METTL6: variants seen among roughly 807,000 people sequenced by gnomAD.
METTL6 encodes the protein methyltransferase 6, tRNA N3-cytidine, also known as tRNA N(3)-cytidine methyltransferase METTL6.
In METTL6, 22 loss-of-function variants were observed where a neutral mutation model predicts 26.4. That is an observed-to-expected ratio of 0.83 (90% CI 0.59 to 1.19). The LOEUF is 1.19. Among genes scored for constraint, METTL6 ranks in the 50% most tolerant of loss-of-function variants. METTL6 has a pLI of 0.00. For synonymous variants in METTL6, 109 were observed against 116.2 expected (o/e 0.94, Z 0.40); for missense variants, 304 against 324.8 (o/e 0.94, Z 0.49).
At position 15,426,748 on chromosome 3, in the gene METTL6, A is replaced by G. The variant is rs973958133; in HGVS notation, c.-124-113T>C. On this transcript the variant is annotated intron_variant, in intron 1 of 5. Coordinates refer to ENST00000383790, the MANE Select transcript of METTL6 (RefSeq NM_152396.4). Reference sequence around the variant, plus strand: ...TGTACAAAAAAAAATCCTTCCCGCTATATGAGAGGTCACAAAGAAGACAAA... The same window carrying G: ...TGTACAAAAAAAAATCCTTCCCGCTGTATGAGAGGTCACAAAGAAGACAAA... 5.5e-6 allele frequency: 3 copies of G among 547,878 alleles called. No individual in the cohort carries two copies. The African/African-American group carries it at 5.6e-5, about 10-fold the overall frequency. The allele number at this position is 547,878 out of a possible 1,614,324, so 33.9% of individuals were successfully genotyped here.
At chr3:15,401,588 A>G (rs1388955302) in intron 6 of METTL6, among the ~76,000 whole-genome samples, 1 of 152,044 alleles carries the variant, frequency 6.6e-6, no homozygotes, top group African/African-American at 2.4e-5. Context: ...ACAGGTCACA[A>G]AGTCCCTGCT....
intron 6 of METTL6, among the ~76,000 whole-genome samples, chr3:15,394,796 A>G (rs1699443452): frequency 6.6e-6 from 1 of 152,062 alleles, no homozygotes; most frequent in Non-Finnish European, 1.5e-5. Context: ...GTTTCCATGT[A>G]GTTGAGTGGT....
chr3:15,388,526 C>T (rs1229504148), intron 6 of METTL6, among the ~76,000 whole-genome samples: 1 of 152,078 alleles, frequency 6.6e-6, no homozygotes, highest in East Asian at 1.9e-4. Flanking sequence ...TCTTCTTGCA[C>T]TAAGTCAGTT....
chr3:15,421,601 C>A (rs1262787010), intron 3 of METTL6, among the ~76,000 whole-genome samples: 1 of 152,178 alleles, frequency 6.6e-6, no homozygotes, highest in Non-Finnish European at 1.5e-5. Flanking sequence ...GCTGCACACG[C>A]CACCACACCT....
In METTL6 at chr3:15,414,172, A is replaced by G; in HGVS notation, c.532-10T>C. ...TGCCTGGTTTTAATACCTATGAAAC[A>G]AAAGCAGGCTGAACATGACTTTGGA... is the stretch of plus-strand genomic sequence containing the variant. On this transcript the variant is annotated splice_polypyrimidine_tract_variant and intron_variant, in intron 4 of 5. Transcript: ENST00000383790. The G allele has an allele frequency of 6.2e-7, 1 of 1,600,960 alleles. No homozygotes were observed. Among genetic ancestry groups the G allele is most frequent in the Non-Finnish European group, 8.5e-7 (1 of 1,175,852 alleles).
At chr3:15,406,069 A>C (rs1699775149), downstream of METTL6, among the ~76,000 whole-genome samples, 2 of 152,104 alleles carry the variant, frequency 1.3e-5, no homozygotes, top group African/African-American at 4.8e-5. Context: ...AATATATGTG[A>C]AAAGTTCAAA....
chr3:15,415,682 G>C lies in METTL6; in HGVS notation c.531+90C>G, dbSNP rs917052952. 10 of 1,596,870 alleles carry C rather than the reference G, an allele frequency of 6.3e-6. No individual in the cohort carries two copies. In the Admixed American group the frequency reaches 1.7e-4, roughly 27 times the overall value. ...CCTAGTGAGAATGGAGAGACTATGTGAATCTAGACAGTACATGAGCCTCAT... is the reference window on the plus strand; with the variant it reads ...CCTAGTGAGAATGGAGAGACTATGTCAATCTAGACAGTACATGAGCCTCAT... On this transcript the variant is annotated intron_variant, in intron 4 of 5. Coordinates refer to ENST00000383790, the MANE Select transcript of METTL6 (RefSeq NM_152396.4).
At chr3:15,389,868 TTTA>T (rs1386669269) in intron 6 of METTL6, among the ~76,000 whole-genome samples, 16 of 150,702 alleles carry the variant, frequency 1.1e-4, no homozygotes, top group African/African-American at 3.2e-4. Context: ...TTTTTTTTTT[TTTA>T]AAGAGAAAGA....
downstream of METTL6, among the ~76,000 whole-genome samples, chr3:15,409,391 G>A (rs1440683792): frequency 2.0e-5 from 3 of 152,188 alleles, no homozygotes; most frequent in South Asian, 4.1e-4. Context: ...AAAATAACCT[G>A]GATTTTACTT....
exon 7 of METTL6, chr3:15,383,026 A>G (rs1429086404): frequency 6.6e-6 from 1 of 152,216 alleles, no homozygotes; most frequent in East Asian, 1.9e-4. Flanking sequence ...CATTTCAGTT[A>G]GCCAGGGGGA....
At chr3:15,394,919 A>T (rs1306037317) in intron 6 of METTL6, among the ~76,000 whole-genome samples, 1 of 152,208 alleles carries the variant, frequency 6.6e-6, no homozygotes, top group East Asian at 1.9e-4. Flanking sequence ...TTTACTTCCA[A>T]CTATGTGGTC....
intron 6 of METTL6, among the ~76,000 whole-genome samples, chr3:15,386,748 C>G (rs1699210868): frequency 6.6e-6 from 1 of 151,822 alleles, no homozygotes; most frequent in Non-Finnish European, 1.5e-5. Context: ...TGCCCAACTC[C>G]AAAGATCTTA....
intron 6 of METTL6, among the ~76,000 whole-genome samples, chr3:15,386,014 A>C (rs973976242): frequency 6.6e-6 from 1 of 152,226 alleles, no homozygotes; most frequent in Non-Finnish European, 1.5e-5. Flanking sequence ...GAAAAGAAAC[A>C]AAAGAATGGC....
Position 15,426,653 on chromosome 3 carries a change from T to C in METTL6, c.-124-18A>G. 1 of 726,296 alleles carries C rather than the reference T, an allele frequency of 1.4e-6. No individual in the cohort carries two copies. Among genetic ancestry groups the C allele is most frequent in the Non-Finnish European group, 2.3e-6 (1 of 442,890 alleles). The allele number at this position is 726,296 out of a possible 1,614,324, so 45.0% of individuals were successfully genotyped here. On this transcript the variant is annotated intron_variant, in intron 1 of 5. Coordinates refer to ENST00000383790, the MANE Select transcript of METTL6 (RefSeq NM_152396.4). ...ACAGGGGGCTTCGCAGAGAAAAGAA[T>C]TAGATTCTGGTTAGTGGTTACAGTT...
intron 6 of METTL6, among the ~76,000 whole-genome samples, chr3:15,394,634 T>C (rs1699438629): frequency 6.6e-6 from 1 of 152,394 alleles, no homozygotes; most frequent in South Asian, 2.1e-4. Context: ...TGTGGGCATT[T>C]AGTGCTATAA....
rs1244505120 is a variant in METTL6 at position 15,411,379 on chromosome 3, C to T, written c.732G>A (p.Val244=). 1 of 1,614,070 alleles carries T rather than the reference C, an allele frequency of 6.2e-7. No individual in the cohort carries two copies. Among genetic ancestry groups the T allele is most frequent in the Non-Finnish European group, 8.5e-7 (1 of 1,180,044 alleles). ...TGYEEVVNEY[V]FRETVNKKEG... is the part of the protein sequence containing the mutation. ...CTTTTTTATTCACCGTCTCTCGAAA[C>T]ACATACTCGTTTACCACTTCTTCAT... The change falls in exon 6 of 6, where the codon GTG becomes GTA. Residue 244 remains valine, a synonymous_variant. Coordinates refer to ENST00000383790, the MANE Select transcript of METTL6 (RefSeq NM_152396.4).
chr3:15,416,354 T>A (rs1432853080), intron 3 of METTL6, among the ~76,000 whole-genome samples: 1 of 152,160 alleles, frequency 6.6e-6, no homozygotes, highest in African/African-American at 2.4e-5. Flanking sequence ...GAGCCCAAGT[T>A]ATCCTCCCAC....
At chr3:15,413,187 G>T (rs1237345684) in intron 5 of METTL6, among the ~76,000 whole-genome samples, 1 of 152,168 alleles carries the variant, frequency 6.6e-6, no homozygotes, top group Non-Finnish European at 1.5e-5. Flanking sequence ...GGGGGTTGCA[G>T]TGAGCCAAGA....
At chr3:15,421,347 G>GACCTACTT (rs1362174962) in intron 3 of METTL6, among the ~76,000 whole-genome samples, 1 of 152,216 alleles carries the variant, frequency 6.6e-6, no homozygotes, top group Non-Finnish European at 1.5e-5. Context: ...TGTACACACA[G>GACCTACTT]GACCTAGAAG....
Sources: gnomAD v4.1 joint callset for allele counts (sites outside exome capture counted in the v4.1 genomes callset) on GRCh38, gnomAD v4.1.1 for gene constraint, MANE v1.5 for transcripts, NCBI Gene and HGNC (gene_info 2026-07-23, HGNC 2026-07-21) for gene names.